PLXNB3: variants seen among roughly 807,000 people sequenced by gnomAD.
PLXNB3 encodes the protein plexin-B3.
A neutral mutation model predicts 125.7 loss-of-function variants in PLXNB3; 80 were observed. The observed-to-expected ratio is 0.64, with a 90% confidence interval of 0.53 to 0.77. PLXNB3 has a LOEUF of 0.77. Among genes scored for constraint, PLXNB3 ranks in the 30% least tolerant of loss-of-function variants. The pLI, the probability that PLXNB3 is intolerant of heterozygous loss-of-function variation, is 0.00. For synonymous variants in PLXNB3, 954 were observed against 783.3 expected (o/e 1.22, Z -3.64); for missense variants, 1,836 against 1,729.3 (o/e 1.06, Z -1.09).
rs2092016100 is a variant in PLXNB3 at position 153,778,073 on chromosome X, C to T, written c.5387C>T (p.Thr1796Ile). The change falls in exon 32 of 36, where the codon ACC (threonine) becomes ATC (isoleucine). Residue 1796 changes from threonine (T) to isoleucine (I), a missense_variant. Coordinates refer to ENST00000361971, the MANE Select transcript of PLXNB3 (RefSeq NM_005393.3). Reference sequence around the variant, plus strand: ...CAGACCTTCATTGACTCCTGTACCACCTCGGAGCATAAAGTGGGCCGGGTG... The same window carrying T: ...CAGACCTTCATTGACTCCTGTACCATCTCGGAGCATAAAGTGGGCCGGGTG... Reference protein sequence around the residue: ...IAQTFIDSCTTSEHKVGRDSP... With the variant: ...IAQTFIDSCTISEHKVGRDSP... 8.3e-7 allele frequency: 1 copy of T among 1,210,437 alleles called. No homozygotes were observed. The highest frequency in any genetic ancestry group is 2.2e-5 in the Admixed American group (1 of 45,941).
chrX:153,777,738 C>A, intron 31 of PLXNB3, 50 bp downstream of exon 31: 1 of 1,162,178 alleles, frequency 8.6e-7, no homozygotes, highest in Non-Finnish European at 1.2e-6. Context: ...CCACTGAGTC[C>A]CAGAGAGACC....
In PLXNB3 at chrX:153,778,287, C is replaced by T. The variant is rs144387381; in HGVS notation, c.5436C>T (p.Tyr1812=). The T allele has an allele frequency of 1.1e-5, 13 of 1,198,106 alleles. No homozygotes were observed. The highest frequency in any genetic ancestry group is 1.8e-5 in the African/African-American group (1 of 56,979). Residue 1812 remains tyrosine, a synonymous_variant, in exon 33 of 36, where the codon TAC becomes TAT. Transcript: ENST00000361971. ...GRDSPVNKLL[Y]AREIPRYKQM... ...ATTCCCCAGTGAACAAACTGCTCTA[C>T]GCCCGGGAGATCCCACGCTACAAGC...
At position 153,766,885 on chromosome X, in the gene PLXNB3, G is replaced by T. The variant is rs782457646; in HGVS notation, c.58G>T (p.Ala20Ser). 8.3e-7 allele frequency: 1 copy of T among 1,199,439 alleles called. No individual in the cohort carries two copies. The highest frequency in any genetic ancestry group is 1.8e-5 in the South Asian group (1 of 55,472). ...LLHHFMAPVM[A>S]RWPPFGLCLL... The stretch of plus-strand genomic sequence containing the variant: ...TGCCCTCTCACAGGCCCCCGTGATG[G>T]CTCGCTGGCCTCCCTTCGGCCTCTG... The change falls in exon 3 of 36, where the codon GCT (alanine) becomes TCT (serine). Residue 20 changes from alanine (A) to serine (S), a missense_variant. By Grantham distance (99) the Ala-to-Ser change is moderately conservative. Coordinates refer to ENST00000361971, the MANE Select transcript of PLXNB3 (RefSeq NM_005393.3).
At chrX:153,768,128 T>G in intron 3 of PLXNB3, 121 bp from the exon 4 acceptor site, 2 of 849,243 alleles carry the variant, frequency 2.4e-6, no homozygotes, top group Non-Finnish European at 3.3e-6. Context: ...TCGGCCCTGA[T>G]TGCTGGGCCT....
chrX:153,775,610 G>T lies in PLXNB3; in HGVS notation c.4351G>T (p.Glu1451Ter), dbSNP rs1557063802. The T allele has an allele frequency of 8.3e-7, 1 of 1,210,982 alleles. No homozygotes were observed. The highest frequency in any genetic ancestry group is 1.1e-6 in the Non-Finnish European group (1 of 895,188). ...TCCCCGCAGGACAGAGACCATGGTG[G>T]AGAAACTGCTCACCAACTGGCTGTC... ...LMLRRTETMV[E>*]KLLTNWLSIC... Residue 1451 changes from glutamate to a stop codon, truncating the protein, a stop_gained, in exon 26 of 36, where the codon GAG becomes TAG. Coordinates refer to ENST00000361971, the MANE Select transcript of PLXNB3 (RefSeq NM_005393.3). LOFTEE classifies it high-confidence loss of function.
chrX:153,773,118 C>CAAGG, intron 17 of PLXNB3, 102 bp downstream of exon 17: 1 of 1,078,662 alleles, frequency 9.3e-7, no homozygotes, highest in East Asian at 3.1e-5. Context: ...CCCCAGTGGT[C>CAAGG]CCTGCCCTTG....
Position 153,771,093 on chromosome X carries a change from C to G in PLXNB3, c.2253+12C>G, listed in dbSNP as rs782158762. 2.6e-6 allele frequency: 3 copies of G among 1,159,797 alleles called. No individual in the cohort carries two copies. Among genetic ancestry groups the G allele is most frequent in the Non-Finnish European group, 3.5e-6 (3 of 852,005 alleles). On this transcript the variant is annotated intron_variant, in intron 12 of 35. Transcript: ENST00000361971. ...GCCAGGCCCACCAGGTGAGTGGCTG[C>G]CTTCCAAACCCTCTTGCCCCCAAGC... is the stretch of plus-strand genomic sequence containing the variant.
At chrX:153,775,722 G>A (rs1423581531) in intron 26 of PLXNB3, 62 bp downstream of exon 26, 6 of 1,136,718 alleles carry the variant, frequency 5.3e-6, no homozygotes, top group Admixed American at 2.2e-5. Context: ...CTCTTGCCAT[G>A]AGGGGGCTAC....
intron 15 of PLXNB3, 39 bp downstream of exon 15, chrX:153,772,054 TCAGAGATGGCCACC>T: frequency 2.6e-6 from 3 of 1,163,441 alleles, no homozygotes; most frequent in South Asian, 4.0e-5. Flanking sequence ...GGGGAGGCCC[TCAGAGATGGCCACC>T]CAGAGATAAG....
Position 153,767,443 on chromosome X carries a change from C to T in PLXNB3, c.616C>T (p.Arg206Cys), listed in dbSNP as rs2091870893. ...LSAGVPPLAI[R>C]QLAGSQPFSS... is the part of the protein sequence containing the mutation. ...GGCAGGGGTGCCACCCCTGGCCATC[C>T]GCCAGCTGGCCGGGTCTCAGCCCTT... Residue 206 changes from arginine (R) to cysteine (C), a missense_variant, in exon 3 of 36, where the codon CGC becomes TGC. Physicochemically the swap from Arg to Cys is radical, Grantham distance 180. Transcript: ENST00000361971. 6 of 1,190,292 alleles carry T rather than the reference C, an allele frequency of 5.0e-6. No individual in the cohort carries two copies. The highest frequency in any genetic ancestry group is 3.7e-5 in the South Asian group (2 of 53,903).
chrX:153,770,253 G>C lies in PLXNB3; in HGVS notation c.1786+5G>C, dbSNP rs951833027. On this transcript the variant is annotated splice_donor_5th_base_variant and intron_variant, in intron 8 of 35. Coordinates refer to ENST00000361971, the MANE Select transcript of PLXNB3 (RefSeq NM_005393.3). ...CACTTAACCCTCCAGGCACAGGTGAGTGGCCCATGGGGTAGGGGGCTGGGA... is the reference window on the plus strand; with the variant it reads ...CACTTAACCCTCCAGGCACAGGTGACTGGCCCATGGGGTAGGGGGCTGGGA... The C allele has an allele frequency of 1.7e-6, 2 of 1,210,342 alleles. No individual in the cohort carries two copies. Among genetic ancestry groups the C allele is most frequent in the Non-Finnish European group, 2.2e-6 (2 of 895,083 alleles).
rs782434254 is a variant in PLXNB3 at position 153,775,581 on chromosome X, C to T, written c.4335-13C>T. On this transcript the variant is annotated splice_polypyrimidine_tract_variant and intron_variant, in intron 25 of 35. Transcript: ENST00000361971. ...AGGCACAAAGGCCTGACCCTGTGGCCGGCTCCCCGCAGGACAGAGACCATG... is the reference window on the plus strand; with the variant it reads ...AGGCACAAAGGCCTGACCCTGTGGCTGGCTCCCCGCAGGACAGAGACCATG... 278 of 1,206,823 alleles carry T rather than the reference C, an allele frequency of 2.3e-4. No homozygotes were observed. In the Middle Eastern group the frequency reaches 6.2e-3, roughly 27 times the overall value.
intron 15 of PLXNB3, 44 bp downstream of exon 15, chrX:153,772,059 G>A: frequency 1.7e-6 from 2 of 1,164,553 alleles, no homozygotes; most frequent in Non-Finnish European, 2.3e-6. Context: ...GGCCCTCAGA[G>A]ATGGCCACCC....
chrX:153,768,924 C>T (rs782761138), intron 4 of PLXNB3, 24 bp from the exon 5 acceptor site: 2 of 1,205,052 alleles, frequency 1.7e-6, no homozygotes, highest in South Asian at 1.8e-5. Context: ...TCTGGCCCAG[C>T]CTCGTCCTTG....
rs187429000 is a variant in PLXNB3, at chrX:153,774,130, G to A, written c.3519+32G>A. ...GCCACCTTCAACCCTGCCCCGCCAC[G>A]GTGCTCAGGCCGCCTCTGTGGGGGC... On this transcript the variant is annotated intron_variant, in intron 20 of 35. Transcript: ENST00000361971. 5.0e-4 allele frequency: 595 copies of A among 1,196,705 alleles called. 3 individuals carry two copies. In the African/African-American group the frequency reaches 8.0e-3, roughly 16 times the overall value.
intron 9 of PLXNB3, 33 bp downstream of exon 9, chrX:153,770,479 G>T (rs1557061303): frequency 1.7e-6 from 2 of 1,198,309 alleles, no homozygotes; most frequent in East Asian, 3.0e-5. Context: ...TGGGGTAGGG[G>T]TGGCGACCCC....
At chrX:153,769,991 A>G (rs782331584) in intron 7 of PLXNB3, 52 bp downstream of exon 7, 6 of 1,189,161 alleles carry the variant, frequency 5.0e-6, no homozygotes. Flanking sequence ...CACTGCCTGG[A>G]GCATGAACCC....
At chrX:153,771,157 G>C (rs2091924627) in intron 12 of PLXNB3, 76 bp downstream of exon 12, 5 of 980,779 alleles carry the variant, frequency 5.1e-6, no homozygotes, top group Non-Finnish European at 7.2e-6. Context: ...TTTGTGGAGA[G>C]CCTGCTTGGG....
rs1176816814 is a variant in PLXNB3 at position 153,772,654 on chromosome X, G to A, written c.2776-232G>A. 5.1e-6 allele frequency: 5 copies of A among 975,608 alleles called. No individual in the cohort carries two copies. The East Asian group carries it at 1.2e-4, about 23-fold the overall frequency. 80.4% of individuals were successfully genotyped at this position (975,608 alleles called of 1,213,427 possible). On this transcript the variant is annotated intron_variant, in intron 16 of 35. Coordinates refer to ENST00000361971, the MANE Select transcript of PLXNB3 (RefSeq NM_005393.3). ...GAGGCTGTCCCAAGGGGGACAGAGT[G>A]GCAGTGAGGATGAAAGAGCCCCACT... is the stretch of plus-strand genomic sequence containing the variant.
Sources: gnomAD v4.1 joint callset for allele counts on GRCh38, gnomAD v4.1.1 for gene constraint, MANE v1.5 for transcripts, NCBI Gene and HGNC (gene_info 2026-07-23, HGNC 2026-07-21) for gene names.